OGDH: variants seen among roughly 807,000 people sequenced by gnomAD.
OGDH encodes 2-oxoglutarate dehydrogenase complex component E1.
In OGDH, 38 loss-of-function variants were observed where a neutral mutation model predicts 116.6. The observed-to-expected ratio is 0.33, with a 90% CI of 0.25 to 0.43. The LOEUF (loss-of-function observed/expected upper bound fraction) is 0.43. Among genes scored for constraint, OGDH ranks in the 20% least tolerant of loss-of-function variants. OGDH has a pLI of 1.00. For missense variants in OGDH, 825 were observed against 1,357.2 expected (o/e 0.61, Z 6.16); for synonymous variants, 488 against 533.3 (o/e 0.92, Z 1.17).
chr7:44,674,479 T>C lies in OGDH; in HGVS notation c.857T>C (p.Leu286Pro). ...KRFGLEGCEV[L>P]IPALKTIIDK... ...TTTGGTCTAGAAGGCTGCGAGGTAC[T>C]GATCCCTGCCCTCAAGACCATCATT... Residue 286 changes from leucine to proline, a missense_variant, in exon 7 of 23, where the codon CTG becomes CCG. Coordinates refer to ENST00000222673, the MANE Select transcript of OGDH (RefSeq NM_002541.4). 1.9e-6 allele frequency: 3 copies of C among 1,614,200 alleles called. No individual in the cohort carries two copies. The highest frequency in any genetic ancestry group is 2.5e-6 in the Non-Finnish European group (3 of 1,180,020).
chr7:44,682,923 C>T (rs968076597), intron 10 of OGDH, among the ~76,000 whole-genome samples: 9 of 151,848 alleles, frequency 5.9e-5, no homozygotes, highest in South Asian at 2.1e-4. Flanking sequence ...CCGAGGCAGA[C>T]GGATCATGAG....
rs74656300 is a variant in OGDH at position 44,663,228 on chromosome 7, G to C, written c.518-3508G>C. On this transcript the variant is annotated intron_variant, in intron 4 of 22. Coordinates refer to ENST00000222673, the MANE Select transcript of OGDH (RefSeq NM_002541.4). ...TGAGCCTATCCATTGAATGTTTTTT[G>C]ATTTTTTAAAAAAATTCTATTTGGT... 6.7e-3 allele frequency among the ~76,000 whole-genome samples: 1,017 copies of C among 152,014 alleles called. 4 individuals are homozygous for C. The highest frequency in any genetic ancestry group is 0.01 in the Non-Finnish European group (696 of 67,944).
chr7:44,661,261 T>C (rs908940959), intron 4 of OGDH, among the ~76,000 whole-genome samples: 1 of 152,250 alleles, frequency 6.6e-6, no homozygotes, highest in Admixed American at 6.5e-5. Context: ...CATATTAATA[T>C]AAGCCATTCC....
chr7:44,647,723 G>T lies in OGDH; in HGVS notation c.481G>T (p.Val161Leu). 3 of 1,613,908 alleles carry T rather than the reference G, an allele frequency of 1.9e-6. No homozygotes were observed. The highest frequency in any genetic ancestry group is 1.1e-5 in the South Asian group (1 of 91,072). ...GILDADLDSS[V>L]PADIISSTDK... ...TTTGGATGCTGATCTGGACTCCTCC[G>T]TGCCCGCTGACATTATCTCATCCAC... The change falls in exon 4 of 23, where the codon GTG becomes TTG. Residue 161 changes from valine to leucine, a missense_variant. Val to Leu is a conservative substitution (Grantham distance 32). Coordinates refer to ENST00000222673, the MANE Select transcript of OGDH (RefSeq NM_002541.4).
chr7:44,698,576 G>T (rs1788690286), intron 18 of OGDH, among the ~76,000 whole-genome samples: 2 of 152,100 alleles, frequency 1.3e-5, no homozygotes, highest in Admixed American at 1.3e-4. Context: ...CCCTGATTCA[G>T]GTCTGGAAGC....
intron 2 of OGDH, among the ~76,000 whole-genome samples, chr7:44,638,568 A>G (rs1007761449): frequency 2.0e-4 from 31 of 152,202 alleles, no homozygotes; most frequent in African/African-American, 6.8e-4. Flanking sequence ...CCTACATCAG[A>G]CTGCAATTCC....
At chr7:44,668,456 T>A (rs917895047) in intron 5 of OGDH, among the ~76,000 whole-genome samples, 1 of 151,290 alleles carries the variant, frequency 6.6e-6, no homozygotes. Context: ...AAAAAAAAAC[T>A]GAGTGTCCAG....
chr7:44,701,130 G>A lies in OGDH; in HGVS notation c.2560-413G>A, dbSNP rs536598438. 2.9e-3 allele frequency among the ~76,000 whole-genome samples: 436 copies of A among 152,334 alleles called. 3 individuals are homozygous for A. Among genetic ancestry groups the A allele is most frequent in the Non-Finnish European group, 4.2e-3 (288 of 68,030 alleles). Reference sequence around the variant, plus strand: ...GGGGTGGAGGCTTGCAGCTCGGAGTGTCCCCAGCAGTCCAAGGGCCCACAG... The same window carrying A: ...GGGGTGGAGGCTTGCAGCTCGGAGTATCCCCAGCAGTCCAAGGGCCCACAG... On this transcript the variant is annotated intron_variant, in intron 19 of 22. Coordinates refer to ENST00000222673, the MANE Select transcript of OGDH (RefSeq NM_002541.4).
In OGDH at chr7:44,694,465, C is replaced by T. The variant is rs1196486622; in HGVS notation, c.1557C>T (p.Pro519=). The change falls in exon 12 of 23, where the codon CCC becomes CCT. Residue 519 remains proline (P), a synonymous_variant. Coordinates refer to ENST00000222673, the MANE Select transcript of OGDH (RefSeq NM_002541.4). The surrounding 1 kb of genome is among the most constrained non-coding windows in gnomAD (Gnocchi z 4.2). ...RRNGHNEMDE[P]MFTQPLMYKQ... is the part of the protein sequence containing the mutation. ...ACGGCCACAACGAGATGGATGAGCCCATGTTCACGCAGCCGCTCATGTACA... is the reference window on the plus strand; with the variant it reads ...ACGGCCACAACGAGATGGATGAGCCTATGTTCACGCAGCCGCTCATGTACA... 1 of 1,613,942 alleles carries T rather than the reference C, an allele frequency of 6.2e-7. No individual in the cohort carries two copies. Among genetic ancestry groups the T allele is most frequent in the South Asian group, 1.1e-5 (1 of 91,058 alleles).
At chr7:44,659,889 T>C (rs552860816) in intron 4 of OGDH, among the ~76,000 whole-genome samples, 1 of 152,308 alleles carries the variant, frequency 6.6e-6, no homozygotes. Context: ...ACTTGTTTCA[T>C]TGGTTTTTTT....
At chr7:44,674,300 C>A in intron 6 of OGDH, 111 bp from the exon 7 acceptor site, 2 of 1,364,662 alleles carry the variant, frequency 1.5e-6, no homozygotes, top group Non-Finnish European at 2.1e-6. Context: ...CCACCTCGGC[C>A]TCCCAAGGTG....
intron 1 of OGDH, among the ~76,000 whole-genome samples, chr7:44,620,754 AT>A (rs36093066): frequency 0.52 from 77,863 of 149,514 alleles, 20,165 homozygotes; most frequent in East Asian, 0.72. Context: ...TGTTTTTGCG[AT>A]TTTTTTTTTT....
intron 3 of OGDH, among the ~76,000 whole-genome samples, chr7:44,646,409 G>A (rs1213356145): frequency 6.6e-6 from 1 of 152,270 alleles, no homozygotes. Context: ...GGGAGGTCCT[G>A]GGTCTCTGGC....
In OGDH at chr7:44,697,331, T is replaced by G; in HGVS notation, c.2052-39T>G. 1 of 1,612,886 alleles carries G rather than the reference T, an allele frequency of 6.2e-7. No homozygotes were observed. The highest frequency in any genetic ancestry group is 8.5e-7 in the Non-Finnish European group (1 of 1,179,088). The stretch of plus-strand genomic sequence containing the variant: ...GTCCCCAGCGTATTTGCTTGTCAAG[T>G]CAGAGCTCCTAATTATTACCTCTGT... On this transcript the variant is annotated intron_variant, in intron 15 of 22. Transcript: ENST00000222673. The surrounding 1 kb of genome is among the most constrained non-coding windows in gnomAD (Gnocchi z 6.0).
chr7:44,618,391 A>T (rs550252911), intron 1 of OGDH, among the ~76,000 whole-genome samples: 43 of 152,240 alleles, frequency 2.8e-4, no homozygotes, highest in African/African-American at 9.6e-4. Flanking sequence ...ATGTCCATTG[A>T]GTTACTCCTC....
intron 2 of OGDH, among the ~76,000 whole-genome samples, chr7:44,631,082 G>C (rs1785420565): frequency 6.6e-6 from 1 of 152,130 alleles, no homozygotes. Flanking sequence ...TGTGGCCCGG[G>C]GGTTGGGGAT....
chr7:44,650,679 C>T (rs1786398526), intron 4 of OGDH, among the ~76,000 whole-genome samples: 1 of 152,178 alleles, frequency 6.6e-6, no homozygotes, highest in African/African-American at 2.4e-5. Flanking sequence ...TATAAGGAAG[C>T]AGCGTAGCAT....
At chr7:44,661,565 T>A (rs1480174841) in intron 4 of OGDH, among the ~76,000 whole-genome samples, 2 of 152,116 alleles carry the variant, frequency 1.3e-5, no homozygotes, top group African/African-American at 4.8e-5. Flanking sequence ...AAACCCACAT[T>A]TAAAAATTTT....
At chr7:44,676,416 G>A (rs1223271166) in intron 9 of OGDH, 7 of 613,150 alleles carry the variant, frequency 1.1e-5, no homozygotes, top group South Asian at 4.2e-5. Flanking sequence ...TTAGCTGGGC[G>A]TGGTGGCGCG....
Sources: gnomAD v4.1 joint callset for allele counts (sites outside exome capture counted in the v4.1 genomes callset) on GRCh38, gnomAD v4.1.1 for gene constraint, Gnocchi (gnomAD v3.1) non-coding constraint, MANE v1.5 for transcripts, NCBI Gene and HGNC (gene_info 2026-07-23, HGNC 2026-07-21) for gene names.